AKAP19: variants seen among roughly 807,000 people sequenced by gnomAD.
AKAP19 encodes A-kinase anchoring protein 19, also known as small A-kinase anchoring protein.
the AKAP19 span, among the ~76,000 whole-genome samples, chr2:189,881,483 G>A: frequency 0.045 from 6,832 of 152,210 alleles, 490 homozygotes; most frequent in African/African-American, 0.15. Context: ...GAGGAAGGCA[G>A]AAAAACAATA....
At chr2:190,104,989 A>G in the AKAP19 span, among the ~76,000 whole-genome samples, 1 of 152,170 alleles carries the variant, frequency 6.6e-6, no homozygotes, top group Non-Finnish European at 1.5e-5. Flanking sequence ...AACAAACAGC[A>G]AATGCTGGTG....
the AKAP19 span, among the ~76,000 whole-genome samples, chr2:190,184,562 G>A: frequency 2.9e-4 from 44 of 152,312 alleles, no homozygotes; most frequent in East Asian, 8.1e-3. Context: ...CATTTGGGGA[G>A]ACAGCATTTA....
the AKAP19 span, chr2:190,059,964 T>G: frequency 4.6e-6 from 6 of 1,310,420 alleles, no homozygotes; most frequent in Non-Finnish European, 6.4e-6. Context: ...GTCTAGCTTA[T>G]GAGCTTAGGG....
At chr2:190,089,427 A>C in the AKAP19 span, 1 of 152,162 alleles carries the variant, frequency 6.6e-6, no homozygotes, top group African/African-American at 2.4e-5. Context: ...AAAACAAAAC[A>C]CAAAATTCAG....
chr2:190,190,628 AG>A, the AKAP19 span, among the ~76,000 whole-genome samples: 6 of 152,338 alleles, frequency 3.9e-5, no homozygotes, highest in African/African-American at 1.4e-4. Flanking sequence ...GAAACAGCCA[AG>A]GAATTCTTTA....
chr2:190,169,203 A>G, the AKAP19 span, among the ~76,000 whole-genome samples: 2 of 152,186 alleles, frequency 1.3e-5, no homozygotes, highest in African/African-American at 4.8e-5. Flanking sequence ...TTTCAAGACT[A>G]TCAGATCTCA....
At chr2:190,049,109 A>G in the AKAP19 span, among the ~76,000 whole-genome samples, 1 of 152,158 alleles carries the variant, frequency 6.6e-6, no homozygotes, top group Admixed American at 6.5e-5. Context: ...GCAAGAAATC[A>G]TAAAGTCAAA....
chr2:190,005,126 G>C, the AKAP19 span, among the ~76,000 whole-genome samples: 4 of 152,284 alleles, frequency 2.6e-5, no homozygotes, highest in East Asian at 3.9e-4. Flanking sequence ...TTCCCAGTGA[G>C]TGTTACAGCT....
At chr2:190,057,818 C>G in the AKAP19 span, among the ~76,000 whole-genome samples, 2 of 152,042 alleles carry the variant, frequency 1.3e-5, no homozygotes, top group Non-Finnish European at 2.9e-5. Context: ...CCCCTTATGT[C>G]TCAAAAGAAT....
chr2:190,202,900 C>T, the AKAP19 span: 2 of 167,202 alleles, frequency 1.2e-5, no homozygotes. Context: ...TGTTACCTTT[C>T]AGTTACATGC....
the AKAP19 span, among the ~76,000 whole-genome samples, chr2:190,073,885 T>C: frequency 6.6e-6 from 1 of 151,962 alleles, no homozygotes; most frequent in African/African-American, 2.4e-5. Flanking sequence ...ACCCCATCTC[T>C]ACTAAAAACA....
chr2:190,199,177 T>A, the AKAP19 span, among the ~76,000 whole-genome samples: 1 of 152,310 alleles, frequency 6.6e-6, no homozygotes, highest in South Asian at 2.1e-4. Flanking sequence ...TTGATGTGCT[T>A]GTTTTGCTTG....
the AKAP19 span, among the ~76,000 whole-genome samples, chr2:189,905,972 A>G: frequency 1.3e-5 from 2 of 152,054 alleles, no homozygotes; most frequent in African/African-American, 4.8e-5. Flanking sequence ...CACAGTTTTC[A>G]TATCCTTTTG....
the AKAP19 span, among the ~76,000 whole-genome samples, chr2:190,058,086 G>T: frequency 4.6e-5 from 7 of 152,026 alleles, no homozygotes; most frequent in Admixed American, 4.6e-4. Flanking sequence ...GGAGGGTTAG[G>T]TATAGTCATC....
the AKAP19 span, among the ~76,000 whole-genome samples, chr2:190,063,642 A>G: frequency 6.6e-6 from 1 of 152,158 alleles, no homozygotes; most frequent in African/African-American, 2.4e-5. Flanking sequence ...GAATATTATG[A>G]GCACATAAAA....
At chr2:190,079,883 G>GTGTA in the AKAP19 span, 1 of 99,120 alleles carries the variant, frequency 1.0e-5, no homozygotes, top group South Asian at 2.7e-4. Context: ...GTGTGTGTGT[G>GTGTA]TGTGTGTGAG....
At chr2:189,902,754 A>G in the AKAP19 span, among the ~76,000 whole-genome samples, 1 of 152,006 alleles carries the variant, frequency 6.6e-6, no homozygotes, top group Non-Finnish European at 1.5e-5. Flanking sequence ...CGCTTTTCAA[A>G]TAGGTGCTCT....
chr2:190,143,193 T>C, the AKAP19 span, among the ~76,000 whole-genome samples: 1 of 150,988 alleles, frequency 6.6e-6, no homozygotes, highest in Non-Finnish European at 1.5e-5. Context: ...TATCAGCCCA[T>C]AGTCTCTAGT....
the AKAP19 span, among the ~76,000 whole-genome samples, chr2:189,984,446 A>C: frequency 1.3e-5 from 2 of 152,218 alleles, no homozygotes; most frequent in African/African-American, 4.8e-5. Flanking sequence ...TTTTAAGGTT[A>C]TCTCTCTTAT....
Sources: gnomAD v4.1 joint callset for allele counts (sites outside exome capture counted in the v4.1 genomes callset) on GRCh38, gnomAD v4.1.1 for gene constraint, MANE v1.5 for transcripts, NCBI Gene and HGNC (gene_info 2026-07-23, HGNC 2026-07-21) for gene names.